The following TMEM108 variants were observed in gnomAD, a reference collection of about 807,000 sequenced individuals.
The protein encoded by TMEM108 is transmembrane protein 108.
TMEM108 carries 12 observed loss-of-function variants against 35.1 expected under a neutral mutation model. The ratio of observed to expected loss-of-function variants is 0.34; its 90% CI spans 0.22 to 0.55. TMEM108 has a LOEUF of 0.55. Among genes scored for constraint, TMEM108 ranks in the 20% least tolerant of loss-of-function variants. TMEM108 has a pLI of 0.89. For synonymous variants in TMEM108, 287 were observed against 308.6 expected (o/e 0.93, Z 0.73); for missense variants, 680 against 753.3 (o/e 0.90, Z 1.14).
intron 3 of TMEM108, among the ~76,000 whole-genome samples, chr3:133,251,341 C>A (rs966697530): frequency 5.3e-5 from 8 of 152,122 alleles, no homozygotes; most frequent in African/African-American, 1.9e-4. Context: ...TTATTAAGCA[C>A]TTACTATAAA....
At chr3:133,331,980 A>G (rs1169919684) in intron 3 of TMEM108, among the ~76,000 whole-genome samples, 1 of 152,202 alleles carries the variant, frequency 6.6e-6, no homozygotes, top group African/African-American at 2.4e-5. Context: ...GGGGACTGCA[A>G]CCTTGAGTTT....
At chr3:133,075,808 AAGG>A (rs950111983) in intron 2 of TMEM108, among the ~76,000 whole-genome samples, 1 of 147,284 alleles carries the variant, frequency 6.8e-6, no homozygotes, top group African/African-American at 2.7e-5. Flanking sequence ...TGTGGGAAAC[AAGG>A]AGATTCTCCT....
chr3:133,040,427 A>G (rs1421000877), intron 1 of TMEM108, among the ~76,000 whole-genome samples: 1 of 149,520 alleles, frequency 6.7e-6, no homozygotes, highest in Non-Finnish European at 1.5e-5. Flanking sequence ...CTGGTCTTGA[A>G]CTCCTGACCT....
intron 2 of TMEM108, among the ~76,000 whole-genome samples, chr3:133,052,117 A>G (rs1943412860): frequency 6.6e-6 from 1 of 152,152 alleles, no homozygotes; most frequent in Non-Finnish European, 1.5e-5. Context: ...TGAGTCTATA[A>G]TGATCATGGA....
intron 4 of TMEM108, chr3:133,388,367 C>T (rs2073185774): frequency 2.1e-6 from 2 of 948,162 alleles, no homozygotes; most frequent in Middle Eastern, 5.4e-4. Context: ...CACTTTAGGC[C>T]ACAGTTTTTC....
At position 133,313,864 on chromosome 3, in the gene TMEM108, G is replaced by T. The variant is rs114903219; in HGVS notation, c.41-65888G>T. On this transcript the variant is annotated intron_variant, in intron 3 of 5. Coordinates refer to ENST00000321871, the MANE Select transcript of TMEM108 (RefSeq NM_023943.4). ...CAACACAGTAATTGCTAACCCCTGT[G>T]AAGAGAGCATTTATAATGGCATTAA... is the stretch of plus-strand genomic sequence containing the variant. 2.5e-3 allele frequency among the ~76,000 whole-genome samples: 373 copies of T among 152,148 alleles called. 1 individual carries two copies. Among genetic ancestry groups the T allele is most frequent in the African/African-American group, 8.5e-3 (353 of 41,508 alleles).
intron 2 of TMEM108, among the ~76,000 whole-genome samples, chr3:133,211,719 A>G (rs199598946): frequency 6.6e-6 from 1 of 152,146 alleles, no homozygotes; most frequent in East Asian, 1.9e-4. Flanking sequence ...GTGGCTGTGG[A>G]GAGCAGAACA....
At chr3:133,381,828 TGA>T (rs1353340403) in intron 4 of TMEM108, among the ~76,000 whole-genome samples, 1 of 152,210 alleles carries the variant, frequency 6.6e-6, no homozygotes, top group Non-Finnish European at 1.5e-5. Flanking sequence ...AATTAAGGCT[TGA>T]GAGTTACGTA....
intron 2 of TMEM108, among the ~76,000 whole-genome samples, chr3:133,165,193 A>C (rs891128262): frequency 6.6e-6 from 1 of 152,220 alleles, no homozygotes. Flanking sequence ...AAAGAGAAGC[A>C]GAGCAGAGTG....
chr3:133,241,064 CT>C (rs150925219), intron 3 of TMEM108, among the ~76,000 whole-genome samples: 26,854 of 152,026 alleles, frequency 0.18, 2,792 homozygotes, highest in East Asian at 0.39. Context: ...GAACTGTCGT[CT>C]TTGTTAAAAT....
rs139894951 is a variant in TMEM108 at position 133,040,485 on chromosome 3, G to A, written c.-166+2050G>A. ...CCCAAAGTGCTGGGATTACAGGCAT[G>A]AGCCACCATGCCGGCCAGAAAATTT... On this transcript the variant is annotated intron_variant, in intron 1 of 5. Coordinates refer to ENST00000321871, the MANE Select transcript of TMEM108 (RefSeq NM_023943.4). 5.5e-4 allele frequency among the ~76,000 whole-genome samples: 83 copies of A among 152,234 alleles called. 1 individual carries two copies. The East Asian group carries it at 0.012, about 21-fold the overall frequency.
intron 3 of TMEM108, among the ~76,000 whole-genome samples, chr3:133,267,029 C>T (rs561335258): frequency 4.5e-4 from 66 of 147,414 alleles, no homozygotes; most frequent in African/African-American, 1.5e-3. Context: ...GCAGTGAAGT[C>T]GAGATCGCGC....
At chr3:133,039,900 C>T (rs1487307667) in intron 1 of TMEM108, among the ~76,000 whole-genome samples, 1 of 152,086 alleles carries the variant, frequency 6.6e-6, no homozygotes, top group African/African-American at 2.4e-5. Flanking sequence ...ACACCCCATG[C>T]CTGTGAAATG....
At chr3:133,214,849 G>A (rs1307677978) in intron 2 of TMEM108, among the ~76,000 whole-genome samples, 1 of 152,074 alleles carries the variant, frequency 6.6e-6, no homozygotes, top group Non-Finnish European at 1.5e-5. Context: ...TGAACTGTGT[G>A]TGTGAGGGAT....
intron 2 of TMEM108, among the ~76,000 whole-genome samples, chr3:133,161,962 A>G (rs1944967379): frequency 6.6e-6 from 1 of 152,228 alleles, no homozygotes; most frequent in African/African-American, 2.4e-5. Context: ...CCACACAGGC[A>G]CATTGAAACC....
intron 3 of TMEM108, among the ~76,000 whole-genome samples, chr3:133,362,493 A>G (rs540122770): frequency 2.0e-5 from 3 of 152,308 alleles, no homozygotes; most frequent in South Asian, 4.1e-4. Flanking sequence ...CTTTGGACTC[A>G]TGTCCCTCTC....
chr3:133,371,613 CAAAAAA>C (rs3054624), intron 3 of TMEM108, among the ~76,000 whole-genome samples: 8 of 78,096 alleles, frequency 1.0e-4, no homozygotes, highest in African/African-American at 3.5e-4. Context: ...CACAAACCCA[CAAAAAA>C]AAAAAAAAAA....
intron 2 of TMEM108, among the ~76,000 whole-genome samples, chr3:133,100,835 T>A (rs946388951): frequency 1.3e-5 from 2 of 152,230 alleles, no homozygotes; most frequent in African/African-American, 4.8e-5. Flanking sequence ...AAATAACCTG[T>A]AACCCTACAT....
chr3:133,276,404 T>C (rs1946839005), intron 3 of TMEM108, among the ~76,000 whole-genome samples: 1 of 152,204 alleles, frequency 6.6e-6, no homozygotes, highest in Non-Finnish European at 1.5e-5. Flanking sequence ...CTGGTTGTTT[T>C]GATTCTAGAA....
Sources: allele counts gnomAD v4.1 joint callset (sites outside exome capture counted in the v4.1 genomes callset), GRCh38; gene constraint gnomAD v4.1.1; transcripts MANE v1.5; gene names NCBI Gene and HGNC (gene_info 2026-07-23, HGNC 2026-07-21).